The following RXRA variants were observed in gnomAD, a reference collection of about 807,000 sequenced individuals.
The protein encoded by RXRA is retinoid X receptor alpha, also known as retinoic acid receptor RXR-alpha.
Under a neutral mutation model 44.5 loss-of-function variants are expected in RXRA, and 5 were observed. The observed-to-expected ratio is 0.11, with a 90% CI of 0.06 to 0.24. The LOEUF is 0.24. RXRA is among the 10% of genes least tolerant of loss of function. The probability of loss-of-function intolerance (pLI) is 1.00; values close to 1 mark genes in which losing one functional copy is unlikely to be tolerated. For missense variants in RXRA, 412 were observed against 646.5 expected (o/e 0.64, Z 3.93); for synonymous variants, 291 against 271.4 (o/e 1.07, Z -0.71).
Position 134,401,490 on chromosome 9 carries a change from A to C in RXRA, c.29-142A>C, listed in dbSNP as rs895427524. ...TAGTGAGTGTGAATTTGCGTCAGAG[A>C]GCTGTCGAGACCCACGGGGCCACCT... On this transcript the variant is annotated intron_variant, in intron 1 of 9. Coordinates refer to ENST00000481739, the MANE Select transcript of RXRA (RefSeq NM_002957.6). 6 of 1,300,646 alleles carry C rather than the reference A, an allele frequency of 4.6e-6. No homozygotes were observed. The African/African-American group carries it at 8.9e-5, about 19-fold the overall frequency. The allele number at this position is 1,300,646 out of a possible 1,614,324, so 80.6% of individuals were successfully genotyped here.
rs1027630542 is a variant in RXRA, at chr9:134,361,663, C to T, written c.28+35004C>T. Among the ~76,000 whole-genome samples, 5 of 152,204 alleles carry T rather than the reference C, an allele frequency of 3.3e-5. No individual in the cohort carries two copies. The East Asian group carries it at 7.7e-4, about 23-fold the overall frequency. On this transcript the variant is annotated intron_variant, in intron 1 of 9. Transcript: ENST00000481739. ...TTTTTCATACTGTAATTTGTGTCTC[C>T]TAATTGCCGAACAAGCACCTAATGG...
intron 1 of RXRA, among the ~76,000 whole-genome samples, chr9:134,330,761 C>G (rs1834992375): frequency 6.6e-6 from 1 of 152,242 alleles, no homozygotes; most frequent in African/African-American, 2.4e-5. Flanking sequence ...GGGGTTGGGC[C>G]TTCTGTCCTC....
intron 7 of RXRA, 87 bp from the exon 8 acceptor site, chr9:134,431,818 T>A: frequency 9.6e-7 from 1 of 1,046,380 alleles, no homozygotes; most frequent in Admixed American, 1.9e-5. Flanking sequence ...CACGCCGGGC[T>A]CTCCAGAGGC....
rs992748527 is a variant in RXRA at position 134,425,019 on chromosome 9, G to C, written c.910+3214G>C. On this transcript the variant is annotated intron_variant, in intron 6 of 9. Coordinates refer to ENST00000481739, the MANE Select transcript of RXRA (RefSeq NM_002957.6). Reference sequence around the variant, plus strand: ...TTCCGCTGGGCGACAGCAACGATGGGAATGGGTGCCCAGACCTGCAATTCC... The same window carrying C: ...TTCCGCTGGGCGACAGCAACGATGGCAATGGGTGCCCAGACCTGCAATTCC... The C allele has an allele frequency of 1.3e-5, 13 of 985,464 alleles. No homozygotes were observed. The African/African-American group carries it at 2.3e-4, about 17-fold the overall frequency. The allele number at this position is 985,464 out of a possible 1,614,324, so 61.0% of individuals were successfully genotyped here.
chr9:134,408,803 C>A, intron 3 of RXRA, 137 bp from the exon 4 acceptor site: 1 of 801,082 alleles, frequency 1.2e-6, no homozygotes, highest in Non-Finnish European at 1.9e-6. Flanking sequence ...CAGTCTGAGC[C>A]CAGGCAGGGG....
intron 1 of RXRA, among the ~76,000 whole-genome samples, chr9:134,335,682 C>T (rs1232822180): frequency 6.6e-6 from 1 of 152,172 alleles, no homozygotes; most frequent in Non-Finnish European, 1.5e-5. Flanking sequence ...GCAGCCTGGC[C>T]GCCCCCAGCT....
intron 1 of RXRA, among the ~76,000 whole-genome samples, chr9:134,382,269 G>A (rs1830657891): frequency 8.7e-6 from 1 of 114,936 alleles, no homozygotes. Flanking sequence ...GGTTTGGGTG[G>A]TGTGTGTGTG....
At chr9:134,334,983 A>G (rs1277132079) in intron 1 of RXRA, among the ~76,000 whole-genome samples, 1 of 152,136 alleles carries the variant, frequency 6.6e-6, no homozygotes, top group East Asian at 1.9e-4. Context: ...AGTAGGGGCC[A>G]CAGATGAGTG....
At chr9:134,326,904 G>A (rs1834923347) in intron 1 of RXRA, among the ~76,000 whole-genome samples, 1 of 149,544 alleles carries the variant, frequency 6.7e-6, no homozygotes, top group Non-Finnish European at 1.5e-5. Flanking sequence ...GCGGGTGGCA[G>A]GTTCGCCCGG....
intron 1 of RXRA, among the ~76,000 whole-genome samples, chr9:134,360,035 C>T (rs1436750221): frequency 2.0e-5 from 3 of 152,172 alleles, no homozygotes; most frequent in South Asian, 4.1e-4. Flanking sequence ...GAGCGGTAAC[C>T]GGAGGGTGGA....
At chr9:134,401,997 C>T (rs1588289159) in intron 2 of RXRA, 115 bp downstream of exon 2, 4 of 890,260 alleles carry the variant, frequency 4.5e-6, no homozygotes, top group Non-Finnish European at 6.7e-6. Context: ...CTGTGGTCTC[C>T]CCGCTTGACG....
At position 134,349,611 on chromosome 9, in the gene RXRA, T is replaced by C. The variant is rs568789661; in HGVS notation, c.28+22952T>C. Among the ~76,000 whole-genome samples, 2 of 152,142 alleles carry C rather than the reference T, an allele frequency of 1.3e-5. No homozygotes were observed. Among genetic ancestry groups the C allele is most frequent in the South Asian group, 2.1e-4 (1 of 4,820 alleles). On this transcript the variant is annotated intron_variant, in intron 1 of 9. Transcript: ENST00000481739. This position sits in a 1 kb window ranked among gnomAD's most constrained non-coding sequence, Gnocchi z 4.3. ...GGGCAGGGTTCTCAGGTGGCCCCCA[T>C]GAGTGGGTGACATCAGGAGACCCCG...
intron 1 of RXRA, among the ~76,000 whole-genome samples, chr9:134,333,521 G>A (rs1835040493): frequency 6.6e-6 from 1 of 152,126 alleles, no homozygotes; most frequent in East Asian, 1.9e-4. Context: ...TGAGGGGAGG[G>A]GAGAGTGAGT....
At chr9:134,423,769 G>A (rs1831387233) in intron 6 of RXRA, 1 of 985,414 alleles carries the variant, frequency 1.0e-6, no homozygotes, top group Non-Finnish European at 1.2e-6. Context: ...GGCTCCCCCA[G>A]AACCCTCGGT....
intron 1 of RXRA, among the ~76,000 whole-genome samples, chr9:134,374,336 C>T (rs1262569026): frequency 3.3e-5 from 5 of 152,240 alleles, no homozygotes; most frequent in Non-Finnish European, 7.3e-5. Flanking sequence ...AAAGGCCAAC[C>T]TGGTGGTCAC....
At position 134,436,733 on chromosome 9, in the gene RXRA, G is replaced by T. The variant is rs1309458997; in HGVS notation, c.*119G>T. ...CTGCCTGGCCTGTTTGGACTTTGGG[G>T]CACAGCCTGTCACTGCTCTGCCTAA... On this transcript the variant is annotated 3_prime_UTR_variant, in exon 10 of 10. Transcript: ENST00000481739. 1 of 1,131,404 alleles carries T rather than the reference G, an allele frequency of 8.8e-7. No individual in the cohort carries two copies. Among genetic ancestry groups the T allele is most frequent in the Admixed American group, 2.2e-5 (1 of 44,846 alleles). The allele number at this position is 1,131,404 out of a possible 1,614,324, so 70.1% of individuals were successfully genotyped here.
chr9:134,432,129 G>GC, intron 8 of RXRA, 133 bp downstream of exon 8: 2 of 644,692 alleles, frequency 3.1e-6, no homozygotes, highest in Non-Finnish European at 5.5e-6. Context: ...AGCTCAGTGT[G>GC]CCCCCCTCCC....
chr9:134,418,543 C>A (rs10776896), intron 5 of RXRA, among the ~76,000 whole-genome samples: 85,916 of 151,866 alleles, frequency 0.57, 26,724 homozygotes, highest in East Asian at 0.75. Flanking sequence ...TGTCTCCCCA[C>A]CCCCCAGGGC....
intron 1 of RXRA, among the ~76,000 whole-genome samples, chr9:134,331,917 A>G (rs1044176245): frequency 5.9e-5 from 9 of 152,164 alleles, no homozygotes; most frequent in Non-Finnish European, 7.3e-5. Context: ...GGCTGGGTCT[A>G]TGCCCCATGC....
Sources: allele counts gnomAD v4.1 joint callset (sites outside exome capture counted in the v4.1 genomes callset), GRCh38; gene constraint gnomAD v4.1.1; non-coding constraint Gnocchi (gnomAD v3.1); transcripts MANE v1.5; gene names NCBI Gene and HGNC (gene_info 2026-07-23, HGNC 2026-07-21).